NALCN: variants seen among roughly 807,000 people sequenced by gnomAD.
The protein encoded by NALCN is sodium leak channel, non-selective, also known as sodium leak channel NALCN.
A neutral mutation model predicts 225.3 loss-of-function variants in NALCN; 111 were observed. The observed-to-expected ratio is 0.49, with a 90% CI of 0.42 to 0.58. The LOEUF is 0.58. Ranked by LOEUF, NALCN falls within the 20% of genes least tolerant of loss-of-function variation. The probability of loss-of-function intolerance (pLI) is 0.00; values close to 1 mark genes in which losing one functional copy is unlikely to be tolerated. For synonymous variants in NALCN, 764 were observed against 769.0 expected (o/e 0.99, Z 0.11); for missense variants, 1,378 against 2,202.4 (o/e 0.63, Z 7.49).
rs186916964 is a variant in NALCN at position 101,159,192 on chromosome 13, C to G, written c.1840-14296G>C. Among the ~76,000 whole-genome samples the G allele has an allele frequency of 6.6e-5, 10 of 152,274 alleles. No individual in the cohort carries two copies. In the East Asian group the frequency reaches 1.9e-3, roughly 29 times the overall value. ...ATCACTTTCCTGACTTTTATTCTTT[C>G]ATTTGATCCATGTACAAATACAAAG... On this transcript the variant is annotated intron_variant, in intron 15 of 43. Coordinates refer to ENST00000251127, the MANE Select transcript of NALCN (RefSeq NM_052867.4).
intron 13 of NALCN, among the ~76,000 whole-genome samples, chr13:101,226,448 C>T (rs2041145081): frequency 6.6e-6 from 1 of 152,206 alleles, no homozygotes. Flanking sequence ...TACTGTTGAG[C>T]TGCTTTTTGT....
intron 3 of NALCN, among the ~76,000 whole-genome samples, chr13:101,392,137 C>T (rs35456911): frequency 0.12 from 18,223 of 151,912 alleles, 1,410 homozygotes; most frequent in East Asian, 0.37. Context: ...GAACTGATAC[C>T]AAACTTTTAA....
At chr13:101,222,464 T>C (rs73560727) in intron 13 of NALCN, among the ~76,000 whole-genome samples, 13,267 of 152,116 alleles carry the variant, frequency 0.087, 1,709 homozygotes, top group African/African-American at 0.28. Context: ...AATTGAAAGT[T>C]CTCCTACCAT....
At chr13:101,111,045 C>T (rs2035401088) in intron 19 of NALCN, 80 bp downstream of exon 19, 18 of 1,416,566 alleles carry the variant, frequency 1.3e-5, no homozygotes, top group South Asian at 2.5e-5. Context: ...GGCTGACAGC[C>T]GTGACTGTGT....
chr13:101,378,706 C>G (rs1183758426), intron 3 of NALCN, 53 bp from the exon 4 acceptor site: 7 of 1,441,926 alleles, frequency 4.9e-6, no homozygotes, highest in Non-Finnish European at 6.8e-6. Context: ...TTTTAAAGAA[C>G]AATCTGTGGA....
chr13:101,222,035 T>C (rs1011552822), intron 13 of NALCN, among the ~76,000 whole-genome samples: 62 of 152,146 alleles, frequency 4.1e-4, no homozygotes, highest in African/African-American at 1.4e-3. Context: ...CTTTAGACAT[T>C]CCAAACCTCC....
intron 22 of NALCN, among the ~76,000 whole-genome samples, chr13:101,106,376 T>C (rs1197515670): frequency 6.6e-6 from 1 of 152,200 alleles, no homozygotes; most frequent in African/African-American, 2.4e-5. Flanking sequence ...GTGATTATCA[T>C]ATGCTACTAA....
At chr13:101,327,448 T>C (rs2045001508) in intron 7 of NALCN, among the ~76,000 whole-genome samples, 1 of 152,184 alleles carries the variant, frequency 6.6e-6, no homozygotes. Flanking sequence ...TCATTCAGGC[T>C]CATGCTTCCA....
chr13:101,310,561 CTT>C (rs1238263501), intron 7 of NALCN, among the ~76,000 whole-genome samples: 5 of 152,116 alleles, frequency 3.3e-5, no homozygotes, highest in African/African-American at 4.8e-5. Context: ...CTTCCCCTCT[CTT>C]TGTCTGCTTT....
intron 1 of NALCN, 68 bp from the exon 2 acceptor site, chr13:101,399,233 A>C (rs1394535606): frequency 9.5e-7 from 1 of 1,054,798 alleles, no homozygotes; most frequent in Admixed American, 2.3e-5. Context: ...TGAGTTCCCC[A>C]CATATATCTA....
intron 10 of NALCN, among the ~76,000 whole-genome samples, chr13:101,264,150 C>G (rs2042522699): frequency 6.6e-6 from 1 of 152,130 alleles, no homozygotes; most frequent in African/African-American, 2.4e-5. Context: ...TCTATGTAGA[C>G]AGATGAACAC....
chr13:101,169,479 C>T (rs1391748650), intron 15 of NALCN, among the ~76,000 whole-genome samples: 1 of 152,194 alleles, frequency 6.6e-6, no homozygotes, highest in South Asian at 2.1e-4. Flanking sequence ...TTAAATCACA[C>T]AACCTTTCTC....
intron 12 of NALCN, among the ~76,000 whole-genome samples, chr13:101,232,639 G>C (rs1343812522): frequency 1.3e-5 from 2 of 151,642 alleles, no homozygotes; most frequent in Non-Finnish European, 2.9e-5. Context: ...GTAGAGACGG[G>C]GTTTCACCAT....
rs374236037 is a variant in NALCN at position 101,179,690 on chromosome 13, G to T, written c.1765-3316C>A. ...TTCTGCTGACTTGACCACCATCTCA[G>T]CTCCCAAAGCTAAGAGCTCTGATTC... On this transcript the variant is annotated intron_variant, in intron 14 of 43. Coordinates refer to ENST00000251127, the MANE Select transcript of NALCN (RefSeq NM_052867.4). Among the ~76,000 whole-genome samples, 7 of 152,272 alleles carry T rather than the reference G, an allele frequency of 4.6e-5. 1 individual carries two copies. The East Asian group carries it at 5.8e-4, about 13-fold the overall frequency.
At chr13:101,372,704 G>C (rs2046574564) in intron 6 of NALCN, among the ~76,000 whole-genome samples, 1 of 152,012 alleles carries the variant, frequency 6.6e-6, no homozygotes, top group African/African-American at 2.4e-5. Context: ...GGCTAAAACA[G>C]TGCTTAGAGG....
chr13:101,358,528 T>A (rs879303800), intron 6 of NALCN, among the ~76,000 whole-genome samples: 2 of 152,118 alleles, frequency 1.3e-5, no homozygotes, highest in Admixed American at 6.6e-5. Flanking sequence ...CGGCGATTAT[T>A]AAAAAGTCAA....
At chr13:101,081,914 G>T (rs1468578026) in intron 33 of NALCN, among the ~76,000 whole-genome samples, 1 of 152,064 alleles carries the variant, frequency 6.6e-6, no homozygotes, top group Non-Finnish European at 1.5e-5. Flanking sequence ...GTCTCGCTCT[G>T]TCACCCAGGC....
At chr13:101,195,899 C>T (rs2039871919) in intron 13 of NALCN, among the ~76,000 whole-genome samples, 1 of 152,152 alleles carries the variant, frequency 6.6e-6, no homozygotes, top group South Asian at 2.1e-4. Context: ...CATTTATATC[C>T]TCAAGTTTGA....
intron 14 of NALCN, among the ~76,000 whole-genome samples, chr13:101,178,892 C>T (rs1418523533): frequency 3.9e-5 from 6 of 152,260 alleles, no homozygotes; most frequent in Middle Eastern, 3.4e-3. Context: ...TTGCAGCCTG[C>T]GTTAGAGCTT....
Sources: allele counts gnomAD v4.1 joint callset (sites outside exome capture counted in the v4.1 genomes callset), GRCh38; gene constraint gnomAD v4.1.1; transcripts MANE v1.5; gene names NCBI Gene and HGNC (gene_info 2026-07-23, HGNC 2026-07-21).